SYT12: variants seen among roughly 807,000 people sequenced by gnomAD.
The protein encoded by SYT12 is synaptotagmin 12.
In SYT12, 27 loss-of-function variants were observed where a neutral mutation model predicts 39.5. That is an observed-to-expected ratio of 0.68 (90% CI 0.50 to 0.94). The LOEUF (loss-of-function observed/expected upper bound fraction) is 0.94, where lower values mean the gene tolerates loss of function less well. Ranked by LOEUF, SYT12 falls within the 40% of genes least tolerant of loss-of-function variation. The pLI is 0.00. For missense variants in SYT12, 536 were observed against 572.6 expected, an observed-to-expected ratio of 0.94 and a Z score of 0.65; for synonymous variants, 233 against 239.7, an observed-to-expected ratio of 0.97 and a Z score of 0.26.
chr11:67,034,562 C>A, intron 2 of SYT12, 83 bp from the exon 3 acceptor site: 1 of 1,248,394 alleles, frequency 8.0e-7, no homozygotes, highest in South Asian at 1.5e-5. Flanking sequence ...AATATCCATT[C>A]AATGTAGAAG....
At chr11:67,028,236 G>A (rs1406724074) in intron 1 of SYT12, 2 of 152,222 alleles carry the variant, frequency 1.3e-5, no homozygotes, top group East Asian at 3.9e-4. Flanking sequence ...CGCTTGATGT[G>A]TAAGAAGGGC....
In SYT12 at chr11:67,023,182, T is replaced by C. The variant is rs1192084539; in HGVS notation, c.-302T>C. On this transcript the variant is annotated 5_prime_UTR_variant, in exon 1 of 8. Transcript: ENST00000527043. Reference sequence around the variant, plus strand: ...CAGAGACAGCGCTCGAGCTTGTCACTTTAAATTCAAGAGGGAGCGGGCGGG... The same window carrying C: ...CAGAGACAGCGCTCGAGCTTGTCACCTTAAATTCAAGAGGGAGCGGGCGGG... 1.3e-5 allele frequency among the ~76,000 whole-genome samples: 2 copies of C among 152,112 alleles called. No individual in the cohort carries two copies. The highest frequency in any genetic ancestry group is 1.9e-4 in the East Asian group (1 of 5,170).
intron 3 of SYT12, among the ~76,000 whole-genome samples, chr11:67,036,091 T>A (rs1003222460): frequency 6.6e-6 from 1 of 151,580 alleles, no homozygotes; most frequent in South Asian, 2.1e-4. Flanking sequence ...ATTTTTTTTT[T>A]ATTTTTTGTA....
At chr11:67,036,634 A>G (rs1388391200) in intron 3 of SYT12, among the ~76,000 whole-genome samples, 1 of 152,068 alleles carries the variant, frequency 6.6e-6, no homozygotes, top group Non-Finnish European at 1.5e-5. Flanking sequence ...GGGGAATGTA[A>G]ATTTGAAAAA....
chr11:67,034,868 C>G (rs372577524), intron 3 of SYT12, 30 bp downstream of exon 3: 19 of 1,483,804 alleles, frequency 1.3e-5, no homozygotes, highest in Non-Finnish European at 1.5e-5. Context: ...AGGTGCACAG[C>G]GAGTGCAACC....
chr11:67,024,096 T>C (rs1004360104), intron 1 of SYT12, among the ~76,000 whole-genome samples: 46 of 78,696 alleles, frequency 5.8e-4, no homozygotes, highest in Non-Finnish European at 1.8e-4. Flanking sequence ...GGGAGGGAGG[T>C]GGGGGGCCGG....
intron 3 of SYT12, among the ~76,000 whole-genome samples, chr11:67,015,858 T>G (rs1215374022): frequency 6.6e-6 from 1 of 152,046 alleles, no homozygotes; most frequent in Admixed American, 6.5e-5. Flanking sequence ...CCTCCCTTGC[T>G]GGGAAGGAGG....
At chr11:67,036,275 A>G (rs1245243864) in intron 3 of SYT12, among the ~76,000 whole-genome samples, 1 of 152,160 alleles carries the variant, frequency 6.6e-6, no homozygotes, top group East Asian at 1.9e-4. Flanking sequence ...AACACACATC[A>G]TAAACATTAT....
chr11:67,010,386 G>T (rs1351870834), intron 2 of SYT12, among the ~76,000 whole-genome samples: 2 of 152,204 alleles, frequency 1.3e-5, no homozygotes, highest in Non-Finnish European at 2.9e-5. Flanking sequence ...GCTCTAACAT[G>T]CTGGGCCCCA....
rs536040089 is a variant in SYT12, at chr11:67,050,627, C to T, written c.*1870C>T. The T allele has an allele frequency of 1.2e-4, 19 of 152,678 alleles. No individual in the cohort carries two copies. The highest frequency in any genetic ancestry group is 3.4e-3 in the Middle Eastern group (1 of 296). 9.5% of individuals were successfully genotyped at this position (152,678 alleles called of 1,614,324 possible). ...CAAGGCTTTGCAGCCTGGGAGACCC[C>T]GACTTTCTCTAACCCAGTGGCTGTG... On this transcript the variant is annotated 3_prime_UTR_variant, in exon 8 of 8. Transcript: ENST00000527043.
intron 1 of SYT12, chr11:67,026,591 AG>A (rs1225469852): frequency 2.0e-5 from 3 of 152,128 alleles, no homozygotes; most frequent in Admixed American, 2.0e-4. Flanking sequence ...TAATTTTCAA[AG>A]GGAAGCTGGA....
At position 67,023,192 on chromosome 11, in the gene SYT12, A is replaced by G. The variant is rs1399079818; in HGVS notation, c.-292A>G. Among the ~76,000 whole-genome samples the G allele has an allele frequency of 6.6e-6, 1 of 152,034 alleles. No individual in the cohort carries two copies. The highest frequency in any genetic ancestry group is 1.9e-4 in the East Asian group (1 of 5,184). Reference sequence around the variant, plus strand: ...GCTCGAGCTTGTCACTTTAAATTCAAGAGGGAGCGGGCGGGCAAGCGGGCG... The same window carrying G: ...GCTCGAGCTTGTCACTTTAAATTCAGGAGGGAGCGGGCGGGCAAGCGGGCG... On this transcript the variant is annotated 5_prime_UTR_variant, in exon 1 of 8. Coordinates refer to ENST00000527043, the MANE Select transcript of SYT12 (RefSeq NM_177963.4).
At chr11:67,017,751 G>A (rs935880628) in intron 3 of SYT12, among the ~76,000 whole-genome samples, 18 of 151,550 alleles carry the variant, frequency 1.2e-4, no homozygotes, top group Non-Finnish European at 1.8e-4. Flanking sequence ...CCTGAGGTCA[G>A]GAGTTCGAGA....
intron 3 of SYT12, among the ~76,000 whole-genome samples, chr11:67,035,845 T>TCTTC (rs1950365756): frequency 2.2e-5 from 1 of 45,060 alleles, no homozygotes; most frequent in Non-Finnish European, 4.1e-5. Context: ...TTCCTTTCTT[T>TCTTC]CTTTCTTTCT....
At chr11:67,023,755 G>A (rs1437248411) in intron 1 of SYT12, among the ~76,000 whole-genome samples, 1 of 152,138 alleles carries the variant, frequency 6.6e-6, no homozygotes, top group South Asian at 2.1e-4. Context: ...CTGCACACAC[G>A]CCCCTCACTT....
At chr11:67,046,834 G>A (rs746581832) in intron 7 of SYT12, among the ~76,000 whole-genome samples, 8 of 152,212 alleles carry the variant, frequency 5.3e-5, no homozygotes, top group Non-Finnish European at 1.0e-4. Context: ...AGTCTCTCCC[G>A]TCCTCGGTTG....
Position 67,040,089 on chromosome 11 carries a change from G to A in SYT12, c.507G>A (p.Leu169=), listed in dbSNP as rs1051603001. 1 of 1,613,856 alleles carries A rather than the reference G, an allele frequency of 6.2e-7. No homozygotes were observed. The highest frequency in any genetic ancestry group is 2.2e-5 in the East Asian group (1 of 44,882). Residue 169 remains leucine, a synonymous_variant, in exon 4 of 8, where the codon CTG becomes CTA. Transcript: ENST00000527043. ...SMEYDTASHT[L]NVAVMQGKDL... ...AGTACGACACTGCCTCCCACACGCTGAACGTGGCGGTGATGCAGGGCAAGG... is the reference window on the plus strand; with the variant it reads ...AGTACGACACTGCCTCCCACACGCTAAACGTGGCGGTGATGCAGGGCAAGG...
chr11:67,018,674 T>C (rs967075299), upstream of SYT12, among the ~76,000 whole-genome samples: 6 of 151,662 alleles, frequency 4.0e-5, no homozygotes, highest in Non-Finnish European at 5.9e-5. Context: ...TACAAAAATA[T>C]TAGTCGGGCA....
intron 3 of SYT12, among the ~76,000 whole-genome samples, chr11:67,012,493 C>G (rs982256555): frequency 6.6e-6 from 1 of 152,198 alleles, no homozygotes; most frequent in African/African-American, 2.4e-5. Context: ...ATCACACTGC[C>G]TTGTCACTTC....
Sources: allele counts gnomAD v4.1 joint callset (sites outside exome capture counted in the v4.1 genomes callset), GRCh38; gene constraint gnomAD v4.1.1; transcripts MANE v1.5; gene names NCBI Gene and HGNC (gene_info 2026-07-23, HGNC 2026-07-21).